SNHG17: variants seen among roughly 807,000 people sequenced by gnomAD.
SNHG17 encodes the protein small nucleolar RNA host gene 17.
At chr20:38,428,361 C>T (rs113102500) in intron 3 of SNHG17, 3 of 152,172 alleles carry the variant, frequency 2.0e-5, no homozygotes, top group African/African-American at 4.8e-5. Context: ...CTCATCCTCA[C>T]CTCTCCCTAC....
At chr20:38,434,089 G>A (rs1260006154) in intron 2 of SNHG17, 9 of 466,966 alleles carry the variant, frequency 1.9e-5, no homozygotes, top group Admixed American at 1.6e-4. Context: ...GGGTACCCAG[G>A]ACCCTGAGAG....
At position 38,425,362 on chromosome 20, in the gene SNHG17, G is replaced by T. The variant is rs767876786; in HGVS notation, n.579+573C>A. 11 of 515,514 alleles carry T rather than the reference G, an allele frequency of 2.1e-5. No individual in the cohort carries two copies. In the East Asian group the frequency reaches 6.0e-4, roughly 28 times the overall value. 31.9% of individuals were successfully genotyped at this position (515,514 alleles called of 1,614,324 possible). Reference sequence around the variant, plus strand: ...ATAGGGCAGTGAGTGAGTTGAGAGGGGAGGCACTGACAGCAGCTTAGGAAG... The same window carrying T: ...ATAGGGCAGTGAGTGAGTTGAGAGGTGAGGCACTGACAGCAGCTTAGGAAG... On this transcript the variant is annotated intron_variant and non_coding_transcript_variant, in intron 5 of 8. Transcript: ENST00000654008.
intron 3 of SNHG17, chr20:38,428,269 C>A (rs759959533): frequency 1.3e-5 from 2 of 152,246 alleles, no homozygotes; most frequent in Non-Finnish European, 2.9e-5. Context: ...CCTGAAGGCA[C>A]AGAAGGAGGG....
At chr20:38,434,929 G>A in intron 1 of SNHG17, 2 of 1,225,840 alleles carry the variant, frequency 1.6e-6, no homozygotes, top group South Asian at 4.3e-5. Flanking sequence ...CCGCCATCCA[G>A]GGGCACTAAG....
intron 6 of SNHG17, chr20:38,421,738 G>C (rs1247490541): frequency 6.6e-6 from 1 of 152,216 alleles, no homozygotes; most frequent in Non-Finnish European, 1.5e-5. Flanking sequence ...TTAATGATCG[G>C]GACACAGGCA....
At chr20:38,423,102 AAAG>A (rs1312656438) in intron 5 of SNHG17, among the ~76,000 whole-genome samples, 5 of 151,880 alleles carry the variant, frequency 3.3e-5, no homozygotes, top group Admixed American at 1.3e-4. Context: ...CAAAAAAAAA[AAAG>A]AAGACCCTGG....
At chr20:38,433,704 G>A (rs1299307295) in intron 2 of SNHG17, among the ~76,000 whole-genome samples, 2 of 152,154 alleles carry the variant, frequency 1.3e-5, no homozygotes, top group Non-Finnish European at 1.5e-5. Context: ...TGACTAGTGG[G>A]GGCTGCAGCT....
Position 38,433,948 on chromosome 20 carries a change from A to T in SNHG17, n.308+556T>A, listed in dbSNP as rs758588833. ...CACTTTCCGCGATTTCTCTCCCTGC[A>T]CTATCAATGACCAGGGCACAGGCAG... On this transcript the variant is annotated intron_variant and non_coding_transcript_variant, in intron 2 of 8. Transcript: ENST00000654008. 6.5e-5 allele frequency: 34 copies of T among 519,236 alleles called. 1 individual carries two copies. The highest frequency in any genetic ancestry group is 1.1e-4 in the Non-Finnish European group (28 of 260,016). 32.2% of individuals were successfully genotyped at this position (519,236 alleles called of 1,614,324 possible).
chr20:38,426,934 T>TCCAGG (rs1423453800), intron 3 of SNHG17, among the ~76,000 whole-genome samples: 2 of 147,900 alleles, frequency 1.4e-5, no homozygotes, highest in African/African-American at 5.0e-5. Flanking sequence ...GACCCCCTAT[T>TCCAGG]CCAGGCCAAT....
intron 1 of SNHG17, chr20:38,435,134 C>CG: frequency 8.1e-7 from 1 of 1,232,302 alleles, no homozygotes; most frequent in Non-Finnish European, 1.0e-6. Context: ...CCGCCTTCCC[C>CG]GGGGCCTCAG....
At chr20:38,423,430 A>G (rs2084192376) in intron 5 of SNHG17, among the ~76,000 whole-genome samples, 1 of 148,312 alleles carries the variant, frequency 6.7e-6, no homozygotes, top group Non-Finnish European at 1.5e-5. Context: ...CAAAAAAAAG[A>G]AAAAGATAGA....
intron 3 of SNHG17, chr20:38,430,699 A>T (rs895488053): frequency 6.6e-6 from 1 of 152,342 alleles, no homozygotes; most frequent in Non-Finnish European, 1.5e-5. Flanking sequence ...TGAGGCTTAC[A>T]TAAGACTGCT....
intron 2 of SNHG17, among the ~76,000 whole-genome samples, chr20:38,433,096 T>C (rs746707697): frequency 6.6e-6 from 1 of 152,190 alleles, no homozygotes; most frequent in Admixed American, 6.5e-5. Context: ...TGCCTCAGCC[T>C]CCTGAGTAGC....
chr20:38,434,042 G>T (rs757910965), intron 2 of SNHG17: 1 of 513,914 alleles, frequency 1.9e-6, no homozygotes, highest in Non-Finnish European at 3.9e-6. Context: ...TTAGCTGCCA[G>T]ATCTCCAGAG....
At chr20:38,425,275 C>T in intron 5 of SNHG17, 1 of 519,174 alleles carries the variant, frequency 1.9e-6, no homozygotes, top group Non-Finnish European at 3.8e-6. Flanking sequence ...TGATTCCTCT[C>T]CCTGCACTAT....
chr20:38,433,961 AG>A (rs1431749346), intron 2 of SNHG17: 1 of 519,250 alleles, frequency 1.9e-6, no homozygotes, highest in Admixed American at 1.9e-5. Context: ...ATCAATGACC[AG>A]GGCACAGGCA....
At position 38,433,888 on chromosome 20, in the gene SNHG17, A is replaced by C. The variant is rs1430053237; in HGVS notation, n.308+616T>G. The C allele has an allele frequency of 4.2e-5, 22 of 519,094 alleles. No individual in the cohort carries two copies. The Admixed American group carries it at 4.3e-4, about 10-fold the overall frequency. The allele number at this position is 519,094 out of a possible 1,614,324, so 32.2% of individuals were successfully genotyped here. A position where few individuals can be genotyped will look rare whatever the true frequency, so the allele number is the denominator to read the frequency against. On this transcript the variant is annotated intron_variant and non_coding_transcript_variant, in intron 2 of 8. Coordinates refer to ENST00000654008, the Ensembl canonical transcript of SNHG17. ...GGTGTGAGAAAGCTCCAGAGTTTGA[A>C]AGGGACAGGAGCGGACCCTCCAAAC...
chr20:38,420,888 C>T (rs1273660381), exon 8 of SNHG17: 2 of 152,234 alleles, frequency 1.3e-5, no homozygotes, highest in Non-Finnish European at 1.5e-5. Context: ...CCCACAAACA[C>T]CACCAAGAGA....
At chr20:38,428,597 TAAGA>T (rs2084287469) in intron 3 of SNHG17, 2 of 152,254 alleles carry the variant, frequency 1.3e-5, no homozygotes, top group South Asian at 4.1e-4. Context: ...AGCTTATCTC[TAAGA>T]AAGGGGCTAG....
Sources: gnomAD v4.1 joint callset for allele counts (sites outside exome capture counted in the v4.1 genomes callset) on GRCh38, gnomAD v4.1.1 for gene constraint, MANE v1.5 for transcripts, NCBI Gene and HGNC (gene_info 2026-07-23, HGNC 2026-07-21) for gene names.